Variants in SUGCT observed in about 807,000 individuals in gnomAD.
SUGCT encodes succinyl-CoA:glutarate CoA-transferase.
Under a neutral mutation model 55.0 loss-of-function variants are expected in SUGCT, and 41 were observed. The observed-to-expected ratio is 0.74, with a 90% confidence interval of 0.58 to 0.97. SUGCT has a LOEUF of 0.97. SUGCT is among the 50% of genes least tolerant of loss of function. The pLI is 0.00. For synonymous variants in SUGCT, 187 were observed against 200.4 expected (o/e 0.93, Z 0.56); for missense variants, 568 against 547.8 (o/e 1.04, Z -0.37).
At chr7:40,481,222 C>T (rs1309828542) in intron 11 of SUGCT, among the ~76,000 whole-genome samples, 1 of 151,906 alleles carries the variant, frequency 6.6e-6, no homozygotes, top group African/African-American at 2.4e-5. Context: ...CCTGTAGTCC[C>T]ACCCGTTCGA....
the SUGCT span, among the ~76,000 whole-genome samples, chr7:40,886,976 C>G: frequency 1.3e-5 from 2 of 152,204 alleles, no homozygotes; most frequent in Non-Finnish European, 2.9e-5. Context: ...ATGGGATCTC[C>G]TACTTCCGTT....
chr7:40,925,696 C>A, the SUGCT span, among the ~76,000 whole-genome samples: 1 of 152,024 alleles, frequency 6.6e-6, no homozygotes, highest in Non-Finnish European at 1.5e-5. Context: ...AAAACTGGAC[C>A]AGCTTCCAAT....
intron 12 of SUGCT, among the ~76,000 whole-genome samples, chr7:40,683,776 G>C (rs1784353456): frequency 6.6e-6 from 1 of 152,192 alleles, no homozygotes; most frequent in Non-Finnish European, 1.5e-5. Context: ...GCGTGAAATG[G>C]CTTGGGATTT....
At chr7:40,378,114 AT>A (rs71000116) in intron 9 of SUGCT, among the ~76,000 whole-genome samples, 144,979 of 151,584 alleles carry the variant, frequency 0.96, 69,644 homozygotes, top group East Asian at 1. Context: ...TGTGTAGGAT[AT>A]TTTTTTTTTC....
intron 7 of SUGCT, among the ~76,000 whole-genome samples, chr7:40,272,880 G>C (rs1792185742): frequency 7.3e-6 from 1 of 137,334 alleles, no homozygotes; most frequent in African/African-American, 2.7e-5. Flanking sequence ...GGCTGGTCTT[G>C]AACTCCTGAC....
At chr7:40,179,438 C>T (rs1785076808) in intron 1 of SUGCT, among the ~76,000 whole-genome samples, 2 of 152,082 alleles carry the variant, frequency 1.3e-5, no homozygotes, top group African/African-American at 2.4e-5. Context: ...GGATTACAGG[C>T]GTGCGTCACC....
chr7:40,241,225 C>CT (rs1789361026), intron 7 of SUGCT, among the ~76,000 whole-genome samples: 1 of 152,072 alleles, frequency 6.6e-6, no homozygotes, highest in Non-Finnish European at 1.5e-5. Context: ...CAAAGTGCAA[C>CT]TTTTTTTCCT....
At position 40,668,784 on chromosome 7, in the gene SUGCT, G is replaced by A. The variant is rs945897384; in HGVS notation, c.1090-80650G>A. Among the ~76,000 whole-genome samples the A allele has an allele frequency of 1.9e-4, 29 of 152,146 alleles. 1 individual carries two copies. Among genetic ancestry groups the A allele is most frequent in the African/African-American group, 6.3e-4 (26 of 41,430 alleles). ...ACACCAAAAGACAAGGAAAGGGGCA[G>A]CCTCACAAGACAAAAATATTTTAGA... On this transcript the variant is annotated intron_variant, in intron 12 of 13. Transcript: ENST00000335693.
At chr7:40,208,562 T>C (rs1443872478) in intron 6 of SUGCT, among the ~76,000 whole-genome samples, 3 of 149,196 alleles carry the variant, frequency 2.0e-5, no homozygotes, top group African/African-American at 7.3e-5. Flanking sequence ...AATTGATTCT[T>C]TTTTTTTTTT....
intron 12 of SUGCT, among the ~76,000 whole-genome samples, chr7:40,590,493 G>A (rs1253451853): frequency 6.6e-6 from 1 of 152,204 alleles, no homozygotes; most frequent in East Asian, 1.9e-4. Flanking sequence ...TAACATAAAA[G>A]TGCAAAATGA....
At chr7:40,636,408 G>T (rs549876709) in intron 12 of SUGCT, among the ~76,000 whole-genome samples, 3 of 152,236 alleles carry the variant, frequency 2.0e-5, no homozygotes, top group East Asian at 3.9e-4. Flanking sequence ...TATTGCCTCT[G>T]TCTGAGCCTG....
intron 13 of SUGCT, among the ~76,000 whole-genome samples, chr7:40,762,969 T>C (rs548400775): frequency 6.6e-6 from 1 of 152,150 alleles, no homozygotes; most frequent in African/African-American, 2.4e-5. Context: ...CCCACCGTCA[T>C]GCCCAGCTAA....
the SUGCT span, among the ~76,000 whole-genome samples, chr7:40,888,347 A>T: frequency 6.6e-6 from 1 of 152,086 alleles, no homozygotes. Context: ...AGAGATAGGG[A>T]GGCCGAGGCA....
At chr7:40,910,765 C>T in the SUGCT span, among the ~76,000 whole-genome samples, 1 of 152,180 alleles carries the variant, frequency 6.6e-6, no homozygotes, top group Non-Finnish European at 1.5e-5. Flanking sequence ...TACTATACCT[C>T]TCTATGACCA....
chr7:40,662,109 G>A (rs73124009), intron 12 of SUGCT, among the ~76,000 whole-genome samples: 20,324 of 152,236 alleles, frequency 0.13, 1,614 homozygotes, highest in Middle Eastern at 0.18. Flanking sequence ...AGCAAATGGT[G>A]CCATCAAAGG....
chr7:40,953,915 A>G, the SUGCT span, among the ~76,000 whole-genome samples: 1 of 152,174 alleles, frequency 6.6e-6, no homozygotes, highest in Non-Finnish European at 1.5e-5. Flanking sequence ...CCACTTGAGG[A>G]GGCAGTCTGT....
chr7:40,197,473 G>C (rs992833176), intron 6 of SUGCT, among the ~76,000 whole-genome samples: 1 of 152,176 alleles, frequency 6.6e-6, no homozygotes, highest in Non-Finnish European at 1.5e-5. Context: ...GGTTGGCTGG[G>C]ATTCAGTTGA....
At chr7:40,603,300 C>G (rs1318853455) in intron 12 of SUGCT, among the ~76,000 whole-genome samples, 1 of 152,094 alleles carries the variant, frequency 6.6e-6, no homozygotes, top group African/African-American at 2.4e-5. Context: ...ATAATGATAG[C>G]GAAAGTGCTT....
At chr7:40,745,226 T>C (rs918406238) in intron 12 of SUGCT, among the ~76,000 whole-genome samples, 1 of 152,208 alleles carries the variant, frequency 6.6e-6, no homozygotes, top group Non-Finnish European at 1.5e-5. Flanking sequence ...AAGGACACTG[T>C]AGTGTTTACA....
Sources: allele counts gnomAD v4.1 joint callset (sites outside exome capture counted in the v4.1 genomes callset), GRCh38; gene constraint gnomAD v4.1.1; transcripts MANE v1.5; gene names NCBI Gene and HGNC (gene_info 2026-07-23, HGNC 2026-07-21).